Variants in TMEM117 observed in about 807,000 individuals in gnomAD.
TMEM117 encodes transmembrane protein 117.
In TMEM117, 27 loss-of-function variants were observed where a neutral mutation model predicts 52.4. That is an observed-to-expected ratio of 0.51 (90% CI 0.38 to 0.71). The LOEUF (loss-of-function observed/expected upper bound fraction) is 0.71. TMEM117 is among the 30% of genes least tolerant of loss of function. The pLI, the probability that TMEM117 is intolerant of heterozygous loss-of-function variation, is 0.00. For synonymous variants in TMEM117, 215 were observed against 206.3 expected (o/e 1.04, Z -0.36); for missense variants, 556 against 630.5 (o/e 0.88, Z 1.26).
At chr12:44,306,698 G>A (rs1950907857) in intron 6 of TMEM117, among the ~76,000 whole-genome samples, 1 of 152,108 alleles carries the variant, frequency 6.6e-6, no homozygotes, top group South Asian at 2.1e-4. Context: ...TAAATATTTT[G>A]CTTTGTGAAA....
intron 2 of TMEM117, among the ~76,000 whole-genome samples, chr12:43,924,695 A>T (rs56105344): frequency 0.1 from 15,527 of 152,204 alleles, 972 homozygotes; most frequent in Middle Eastern, 0.22. Context: ...CATTTTTAGC[A>T]TGTTATTTCC....
chr12:44,083,958 A>G (rs1484375128), intron 3 of TMEM117, among the ~76,000 whole-genome samples: 6 of 152,200 alleles, frequency 3.9e-5, no homozygotes, highest in Admixed American at 3.3e-4. Flanking sequence ...CTAAAAATAC[A>G]ACAAAAAACA....
At chr12:44,334,624 G>A (rs1951315522) in intron 6 of TMEM117, among the ~76,000 whole-genome samples, 1 of 151,876 alleles carries the variant, frequency 6.6e-6, no homozygotes, top group African/African-American at 2.4e-5. Context: ...ATTACTTAAG[G>A]TTTGGCTTAT....
intron 2 of TMEM117, among the ~76,000 whole-genome samples, chr12:43,910,893 T>TC (rs1441103599): frequency 1.3e-5 from 1 of 79,678 alleles, no homozygotes; most frequent in Non-Finnish European, 2.9e-5. Flanking sequence ...GTAGGAAGAA[T>TC]CAATATTGTG....
chr12:43,848,129 C>G (rs565405039), intron 2 of TMEM117, among the ~76,000 whole-genome samples: 65 of 152,064 alleles, frequency 4.3e-4, no homozygotes, highest in African/African-American at 1.5e-3. Context: ...AAAAGCAGAA[C>G]CACTGATAAG....
chr12:44,311,584 G>A (rs929234934), intron 6 of TMEM117, among the ~76,000 whole-genome samples: 3 of 151,570 alleles, frequency 2.0e-5, no homozygotes, highest in East Asian at 1.9e-4. Flanking sequence ...GAGGGAGGAC[G>A]TAGAGATGAC....
intron 3 of TMEM117, among the ~76,000 whole-genome samples, chr12:44,075,490 T>G (rs1456956833): frequency 6.6e-6 from 1 of 152,210 alleles, no homozygotes; most frequent in East Asian, 1.9e-4. Flanking sequence ...CATATTTTCC[T>G]TTTTCACTTG....
In TMEM117 at chr12:44,043,953, G is replaced by T. The variant is rs1246392187; in HGVS notation, c.411-99572G>T. ...TGTTGCAGCTCAGGGAGTTAAAAAA[G>T]GTTCTAATAGTTTACTTTGTTAGCT... On this transcript the variant is annotated intron_variant, in intron 3 of 7. Coordinates refer to ENST00000266534, the MANE Select transcript of TMEM117 (RefSeq NM_032256.3). 3.9e-5 allele frequency among the ~76,000 whole-genome samples: 6 copies of T among 152,108 alleles called. No individual in the cohort carries two copies. In the East Asian group the frequency reaches 1.2e-3, roughly 29 times the overall value.
chr12:44,392,308 TC>T (rs1259563363), downstream of TMEM117, among the ~76,000 whole-genome samples: 1 of 152,128 alleles, frequency 6.6e-6, no homozygotes. Context: ...AGCAATGAAA[TC>T]TTAGAAATAA....
intron 6 of TMEM117, among the ~76,000 whole-genome samples, chr12:44,369,342 C>A (rs1274204294): frequency 6.6e-6 from 1 of 152,096 alleles, no homozygotes; most frequent in Non-Finnish European, 1.5e-5. Flanking sequence ...TTTTAAAAAC[C>A]CGCTGCTATC....
chr12:44,054,713 AT>A (rs1359947172), intron 3 of TMEM117, among the ~76,000 whole-genome samples: 142 of 141,804 alleles, frequency 1.0e-3, no homozygotes, highest in East Asian at 5.1e-3. Flanking sequence ...TTTTTTTTCA[AT>A]TTTTTTTTTC....
In TMEM117 at chr12:43,848,132, C is replaced by T. The variant is rs192684838; in HGVS notation, c.277+3204C>T. Among the ~76,000 whole-genome samples the T allele has an allele frequency of 1.2e-4, 19 of 152,252 alleles. No individual in the cohort carries two copies. In the East Asian group the frequency reaches 3.1e-3, roughly 25 times the overall value. On this transcript the variant is annotated intron_variant, in intron 2 of 7. Coordinates refer to ENST00000266534, the MANE Select transcript of TMEM117 (RefSeq NM_032256.3). The stretch of plus-strand genomic sequence containing the variant: ...ATGGCAAAGGGCAAAAGCAGAACCA[C>T]TGATAAGGGTCCAACAAAGATCACA...
At chr12:44,034,754 A>G (rs1201720650) in intron 3 of TMEM117, among the ~76,000 whole-genome samples, 4 of 152,220 alleles carry the variant, frequency 2.6e-5, no homozygotes, top group East Asian at 1.9e-4. Flanking sequence ...ACATTGTGAC[A>G]GTTTTATGAG....
At chr12:44,107,468 A>G (rs900479062) in intron 3 of TMEM117, among the ~76,000 whole-genome samples, 1 of 152,134 alleles carries the variant, frequency 6.6e-6, no homozygotes, top group African/African-American at 2.4e-5. Flanking sequence ...TTTATTGCAC[A>G]GTGGTTTAAG....
chr12:44,130,144 G>T (rs1241965390), intron 3 of TMEM117, among the ~76,000 whole-genome samples: 2 of 152,046 alleles, frequency 1.3e-5, no homozygotes, highest in Admixed American at 6.5e-5. Flanking sequence ...TATACTAATT[G>T]GTTCTTTATA....
chr12:44,392,217 T>C (rs573246460), downstream of TMEM117, among the ~76,000 whole-genome samples: 152 of 152,234 alleles, frequency 1.0e-3, 2 homozygotes, highest in South Asian at 0.029. Flanking sequence ...GTCACTCTTG[T>C]TGAAGAAACT....
At chr12:44,053,246 C>A (rs1003944850) in intron 3 of TMEM117, among the ~76,000 whole-genome samples, 2 of 152,254 alleles carry the variant, frequency 1.3e-5, no homozygotes, top group South Asian at 2.1e-4. Flanking sequence ...CCATCAGGTT[C>A]AAAAATTTGT....
chr12:44,290,505 AT>A (rs1214649081), intron 5 of TMEM117, among the ~76,000 whole-genome samples: 9 of 152,148 alleles, frequency 5.9e-5, no homozygotes, highest in African/African-American at 1.9e-4. Flanking sequence ...TTGACTGTCT[AT>A]GTATGGGTTT....
At chr12:43,870,905 C>T (rs1191541843) in intron 2 of TMEM117, among the ~76,000 whole-genome samples, 1 of 152,068 alleles carries the variant, frequency 6.6e-6, no homozygotes, top group African/African-American at 2.4e-5. Flanking sequence ...CTGCCTCAGC[C>T]TCCCCAGTAG....
Sources: gnomAD v4.1 joint callset for allele counts (sites outside exome capture counted in the v4.1 genomes callset) on GRCh38, gnomAD v4.1.1 for gene constraint, MANE v1.5 for transcripts, NCBI Gene and HGNC (gene_info 2026-07-23, HGNC 2026-07-21) for gene names.